Variants in SETDB1 observed in about 807,000 individuals in gnomAD.
The protein encoded by SETDB1 is histone-lysine N-methyltransferase SETDB1.
Under a neutral mutation model 137.4 loss-of-function variants are expected in SETDB1, and 31 were observed. The observed-to-expected ratio is 0.23, with a 90% confidence interval of 0.17 to 0.30. SETDB1 has a LOEUF of 0.30. Among genes scored for constraint, SETDB1 ranks in the 10% least tolerant of loss-of-function variants. The probability of loss-of-function intolerance (pLI) is 1.00; values close to 1 mark genes in which losing one functional copy is unlikely to be tolerated. For missense variants in SETDB1, 1,113 were observed against 1,631.5 expected (o/e 0.68, Z 5.47); for synonymous variants, 548 against 579.9 (o/e 0.95, Z 0.79).
chr1:150,949,299 T>C (rs1192260963), intron 11 of SETDB1, 21 bp downstream of exon 11: 1 of 1,612,630 alleles, frequency 6.2e-7, no homozygotes. Flanking sequence ...TTCTTTCTTT[T>C]TCTTCAGTTT....
chr1:150,963,685 G>A lies in SETDB1; in HGVS notation c.3616G>A (p.Glu1206Lys). 1 of 1,614,170 alleles carries A rather than the reference G, an allele frequency of 6.2e-7. No individual in the cohort carries two copies. Among genetic ancestry groups the A allele is most frequent in the Non-Finnish European group, 8.5e-7 (1 of 1,180,030 alleles). Residue 1206 changes from glutamate (E) to lysine (K), a missense_variant, in exon 20 of 22, where the codon GAG becomes AAG. Glu to Lys is a moderately conservative substitution (Grantham distance 56). Coordinates refer to ENST00000692827, the MANE Select transcript of SETDB1 (RefSeq NM_001366418.1). The part of the protein sequence containing the change: ...KNTRQFYDGE[E>K]SCYIIDAKLE... ...CACACGCCAATTCTATGATGGCGAGGAGTCTTGCTACATCATTGATGCCAA... is the reference window on the plus strand; with the variant it reads ...CACACGCCAATTCTATGATGGCGAGAAGTCTTGCTACATCATTGATGCCAA...
chr1:150,939,656 A>T (rs587698077), intron 3 of SETDB1, among the ~76,000 whole-genome samples: 1 of 151,720 alleles, frequency 6.6e-6, no homozygotes, highest in South Asian at 2.1e-4. Context: ...GGCTCTTGTT[A>T]TGTTGCCCAG....
chr1:150,955,318 T>C (rs1232853914), intron 14 of SETDB1, among the ~76,000 whole-genome samples: 3 of 152,264 alleles, frequency 2.0e-5, no homozygotes, highest in Non-Finnish European at 4.4e-5. Context: ...TGCTTAACTC[T>C]ATAATATAGT....
At chr1:150,960,244 C>T (rs587710464) in intron 15 of SETDB1, among the ~76,000 whole-genome samples, 68 of 150,460 alleles carry the variant, frequency 4.5e-4, no homozygotes, top group African/African-American at 1.4e-3. Flanking sequence ...GAGGCTGAGG[C>T]GGGCAGATCA....
intron 3 of SETDB1, among the ~76,000 whole-genome samples, chr1:150,939,293 GTGT>G (rs1670056359): frequency 2.4e-5 from 3 of 124,666 alleles, no homozygotes; most frequent in African/African-American, 9.0e-5. Flanking sequence ...GGGTTTTGCT[GTGT>G]TGTTCAGGCT....
Position 150,960,906 on chromosome 1 carries a change from C to G in SETDB1, c.2847C>G (p.His949Gln), listed in dbSNP as rs2102749283. The G allele has an allele frequency of 6.2e-7, 1 of 1,611,056 alleles. No individual in the cohort carries two copies. The highest frequency in any genetic ancestry group is 2.2e-5 in the East Asian group (1 of 44,828). ...GLSETTSKDS[H>Q]PPDLGPPHIP... ...CTGAGACAACTTCCAAGGACTCCCA[C>G]CCCCCAGATCTTGGACCCCCACATA... is the stretch of plus-strand genomic sequence containing the variant. Residue 949 changes from histidine to glutamine, a missense_variant, in exon 16 of 22, where the codon CAC becomes CAG. By Grantham distance (24) the His-to-Gln change is conservative. Coordinates refer to ENST00000692827, the MANE Select transcript of SETDB1 (RefSeq NM_001366418.1).
At chr1:150,952,368 G>A (rs1670514025) in intron 14 of SETDB1, among the ~76,000 whole-genome samples, 1 of 152,090 alleles carries the variant, frequency 6.6e-6, no homozygotes, top group South Asian at 2.1e-4. Context: ...ATAGAATGGA[G>A]GTGATAGTAG....
At chr1:150,946,507 G>A (rs953467319) in intron 9 of SETDB1, among the ~76,000 whole-genome samples, 2 of 152,122 alleles carry the variant, frequency 1.3e-5, no homozygotes, top group Non-Finnish European at 2.9e-5. Flanking sequence ...GGAGTACGAT[G>A]GTGCAGTCTC....
Position 150,930,031 on chromosome 1 carries a change from G to C in SETDB1, c.325G>C (p.Asp109His). ...CTCCAAGCTGGGACTACAATACCGG[G>C]ACAGTAGCTCTGAGGACGAATCTTC... ...FYSKLGLQYR[D>H]SSSEDESSRP... The change falls in exon 3 of 22, where the codon GAC (aspartate) becomes CAC (histidine). Residue 109 changes from aspartate (D) to histidine (H), a missense_variant. Physicochemically the swap from Asp to His is moderately conservative, Grantham distance 81. Around this residue, in one of 11 missense-constraint regions of SETDB1, gnomAD observed 159 missense variants for 188.6 expected, o/e 0.84. Coordinates refer to ENST00000692827, the MANE Select transcript of SETDB1 (RefSeq NM_001366418.1). 1 of 1,613,900 alleles carries C rather than the reference G, an allele frequency of 6.2e-7. No individual in the cohort carries two copies. Among genetic ancestry groups the C allele is most frequent in the Non-Finnish European group, 8.5e-7 (1 of 1,179,842 alleles).
intron 14 of SETDB1, among the ~76,000 whole-genome samples, chr1:150,953,208 A>G (rs1466589227): frequency 6.6e-6 from 1 of 152,138 alleles, no homozygotes; most frequent in African/African-American, 2.4e-5. Flanking sequence ...ACTGGGCAAC[A>G]TAGTAAGACC....
intron 3 of SETDB1, among the ~76,000 whole-genome samples, chr1:150,939,585 A>G (rs1198264640): frequency 6.6e-6 from 1 of 152,038 alleles, no homozygotes; most frequent in African/African-American, 2.4e-5. Flanking sequence ...TTGGCCTTCC[A>G]AAGTGCTGGG....
chr1:150,927,513 G>T (rs190179197), intron 1 of SETDB1, among the ~76,000 whole-genome samples, 191 bp from the exon 2 acceptor site: 10 of 152,138 alleles, frequency 6.6e-5, no homozygotes, highest in African/African-American at 2.4e-4. Context: ...GAGTGTTAGC[G>T]TACAGCAGAA....
Position 150,943,073 on chromosome 1 carries a change from T to TA in SETDB1, c.875+23dup. The TA allele has an allele frequency of 6.3e-7, 1 of 1,589,934 alleles. No individual in the cohort carries two copies. The highest frequency in any genetic ancestry group is 8.6e-7 in the Non-Finnish European group (1 of 1,158,736). ...GCTCAGGTACCTGGACAGAGGACTGTAAAGGGGTAGAGGCTGGGAGCACAG... is the reference window on the plus strand; with the variant it reads ...GCTCAGGTACCTGGACAGAGGACTGTAAAAGGGGTAGAGGCTGGGAGCACAG... On this transcript the variant is annotated intron_variant, in intron 7 of 21. Transcript: ENST00000692827.
rs1669675785 is a variant in SETDB1, at chr1:150,930,038, G to A, written c.332G>A (p.Ser111Asn). 8.1e-6 allele frequency: 13 copies of A among 1,613,834 alleles called. No individual in the cohort carries two copies. Among genetic ancestry groups the A allele is most frequent in the Non-Finnish European group, 1.0e-5 (12 of 1,179,752 alleles). ...SKLGLQYRDS[S>N]SEDESSRPTE... ...CTGGGACTACAATACCGGGACAGTA[G>A]CTCTGAGGACGAATCTTCCCGGCCT... Residue 111 changes from serine to asparagine, a missense_variant, in exon 3 of 22, where the codon AGC (serine) becomes AAC (asparagine). Around this residue, in one of 11 missense-constraint regions of SETDB1, gnomAD observed 159 missense variants for 188.6 expected, o/e 0.84. Transcript: ENST00000692827.
intron 5 of SETDB1, among the ~76,000 whole-genome samples, 183 bp downstream of exon 5, chr1:150,941,611 T>C (rs963317744): frequency 6.6e-6 from 1 of 152,206 alleles, no homozygotes; most frequent in African/African-American, 2.4e-5. Context: ...AATACCTCTT[T>C]AGCGTCCTAC....
At position 150,963,083 on chromosome 1, in the gene SETDB1, A is replaced by C; in HGVS notation, c.3404A>C (p.Gln1135Pro). The C allele has an allele frequency of 6.2e-7, 1 of 1,614,232 alleles. No homozygotes were observed. Among genetic ancestry groups the C allele is most frequent in the Non-Finnish European group, 8.5e-7 (1 of 1,180,028 alleles). ...ACAGCGGTTGACAGTGATGATATCC[A>C]GACCATATCCTCTGGCTCTGAAGGG... Reference protein sequence around the residue: ...SATAVDSDDIQTISSGSEGDD... With the variant: ...SATAVDSDDIPTISSGSEGDD... Residue 1135 changes from glutamine (Q) to proline (P), a missense_variant, in exon 19 of 22, where the codon CAG becomes CCG. Physicochemically the swap from Gln to Pro is moderately conservative, Grantham distance 76 (BLOSUM62 -1). Around this residue, in one of 11 missense-constraint regions of SETDB1, gnomAD observed 373 missense variants for 412.7 expected, o/e 0.90. Transcript: ENST00000692827.
intron 3 of SETDB1, among the ~76,000 whole-genome samples, chr1:150,935,648 T>C (rs908691659): frequency 2.0e-5 from 3 of 152,192 alleles, no homozygotes; most frequent in Non-Finnish European, 4.4e-5. Flanking sequence ...CCCTCTAATA[T>C]GTATTTCATT....
chr1:150,942,221 A>C (rs1670186551), intron 5 of SETDB1, among the ~76,000 whole-genome samples: 1 of 151,858 alleles, frequency 6.6e-6, no homozygotes, highest in African/African-American at 2.4e-5. Flanking sequence ...CAGGCGGATC[A>C]TGAGGTCAAA....
chr1:150,959,156 T>C, intron 14 of SETDB1, 22 bp from the exon 15 acceptor site: 1 of 1,520,004 alleles, frequency 6.6e-7, no homozygotes, highest in Non-Finnish European at 8.8e-7. Context: ...CCGTGATTGA[T>C]TTTATTCTAA....
Sources: gnomAD v4.1 joint callset for allele counts (sites outside exome capture counted in the v4.1 genomes callset) on GRCh38, gnomAD v4.1.1 for gene constraint, gnomAD v4.1.1 regional missense constraint, MANE v1.5 for transcripts, NCBI Gene and HGNC (gene_info 2026-07-23, HGNC 2026-07-21) for gene names.